The following ZZEF1 variants were observed in gnomAD, a reference collection of about 807,000 sequenced individuals.
The protein encoded by ZZEF1 is zinc finger ZZ-type and EF-hand domain-containing protein 1.
In ZZEF1, 157 loss-of-function variants were observed where a neutral mutation model predicts 342.8. The observed-to-expected ratio is 0.46, with a 90% confidence interval of 0.40 to 0.52. The LOEUF (loss-of-function observed/expected upper bound fraction) is 0.52. ZZEF1 is among the 20% of genes least tolerant of loss of function. The probability of loss-of-function intolerance (pLI) is 0.00; values close to 1 mark genes in which losing one functional copy is unlikely to be tolerated. For synonymous variants in ZZEF1, 1,505 were observed against 1,429.1 expected, an observed-to-expected ratio of 1.05 and a Z score of -1.20; for missense variants, 3,480 against 3,725.6, an observed-to-expected ratio of 0.93 and a Z score of 1.72.
rs1023869031 is a variant in ZZEF1 at position 4,137,544 on chromosome 17, G to A, written c.354+4998C>T. Among the ~76,000 whole-genome samples, 4 of 152,144 alleles carry A rather than the reference G, an allele frequency of 2.6e-5. No individual in the cohort carries two copies. The South Asian group carries it at 6.2e-4, about 24-fold the overall frequency. ...GGAGAATGGTGTGAACCTGGGAGGC[G>A]GAGCTTGCAGTGAGCCAAGATTGTG... On this transcript the variant is annotated intron_variant, in intron 1 of 54. Coordinates refer to ENST00000381638, the MANE Select transcript of ZZEF1 (RefSeq NM_015113.4).
intron 1 of ZZEF1, among the ~76,000 whole-genome samples, chr17:4,125,985 G>A (rs2058566663): frequency 6.6e-6 from 1 of 152,144 alleles, no homozygotes; most frequent in African/African-American, 2.4e-5. Flanking sequence ...CCAGCACTTT[G>A]GGAGGCCGAG....
intron 17 of ZZEF1, among the ~76,000 whole-genome samples, chr17:4,081,750 T>G (rs1206049559): frequency 6.6e-6 from 1 of 152,224 alleles, no homozygotes; most frequent in Non-Finnish European, 1.5e-5. Flanking sequence ...ATAAATCACC[T>G]TGGCCACCAA....
chr17:4,047,500 T>C (rs2056944348), intron 37 of ZZEF1, among the ~76,000 whole-genome samples: 1 of 151,990 alleles, frequency 6.6e-6, no homozygotes, highest in Non-Finnish European at 1.5e-5. Context: ...AAAAATTAGC[T>C]GGCATGGTGG....
Position 4,086,669 on chromosome 17 carries a change from A to T in ZZEF1, c.2343-14T>A, listed in dbSNP as rs1349030103. 6.8e-6 allele frequency: 11 copies of T among 1,613,038 alleles called. No individual in the cohort carries two copies. The highest frequency in any genetic ancestry group is 9.3e-6 in the Non-Finnish European group (11 of 1,179,946). ...TCTTCCCTCGGGCTACAGAAAGACAAAAAACATCAGAGAGCAAAAGGGCAA... is the reference window on the plus strand; with the variant it reads ...TCTTCCCTCGGGCTACAGAAAGACATAAAACATCAGAGAGCAAAAGGGCAA... On this transcript the variant is annotated splice_polypyrimidine_tract_variant and intron_variant, in intron 14 of 54. Coordinates refer to ENST00000381638, the MANE Select transcript of ZZEF1 (RefSeq NM_015113.4).
Position 4,066,485 on chromosome 17 carries a change from T to C in ZZEF1, c.4211A>G (p.His1404Arg), listed in dbSNP as rs774768899. Residue 1404 changes from histidine (H) to arginine (R), a missense_variant, in exon 28 of 55, where the codon CAT becomes CGT. By Grantham distance (29) the His-to-Arg change is conservative. Coordinates refer to ENST00000381638, the MANE Select transcript of ZZEF1 (RefSeq NM_015113.4). ...GTTCACCTCAGTAGCTTCTGAACTA[T>C]GTTTTTCTTCTGCTTCATTCCCCAG... ...MSLGNEAEEKHSSEATEVNPE... is the reference protein window; with the variant it reads ...MSLGNEAEEKRSSEATEVNPE... 71 of 1,614,052 alleles carry C rather than the reference T, an allele frequency of 4.4e-5. No individual in the cohort carries two copies. The South Asian group carries it at 6.8e-4, about 15-fold the overall frequency.
In ZZEF1 at chr17:4,014,124, G is replaced by C; in HGVS notation, c.8379C>G (p.Thr2793=). ...MSNTEWGYRF[T]VTAGHLGRFQ... ...ACCGCCCCAGGTGTCCGGCCGTCAC[G>C]GTGAATCTGTAGCCCCACTCGGTGT... The change falls in exon 51 of 55, where the codon ACC becomes ACG. Residue 2793 remains threonine (T), a synonymous_variant. Coordinates refer to ENST00000381638, the MANE Select transcript of ZZEF1 (RefSeq NM_015113.4). This position sits in a 1 kb window ranked among gnomAD's most constrained non-coding sequence, Gnocchi z 4.4. 1 of 1,614,182 alleles carries C rather than the reference G, an allele frequency of 6.2e-7. No individual in the cohort carries two copies. The highest frequency in any genetic ancestry group is 1.3e-5 in the African/African-American group (1 of 75,046).
intron 53 of ZZEF1, 30 bp downstream of exon 53, chr17:4,009,574 C>G: frequency 6.2e-7 from 1 of 1,611,188 alleles, no homozygotes; most frequent in East Asian, 2.2e-5. Flanking sequence ...ATGGAGGCAC[C>G]GGGCTCCCTG....
intron 30 of ZZEF1, 86 bp downstream of exon 30, chr17:4,062,667 A>C (rs2057309224): frequency 4.3e-6 from 6 of 1,381,012 alleles, no homozygotes; most frequent in Non-Finnish European, 5.8e-6. Context: ...CATAGAAATG[A>C]TGCTGCTATT....
intron 2 of ZZEF1, among the ~76,000 whole-genome samples, chr17:4,121,487 G>A (rs570314431): frequency 2.0e-5 from 3 of 152,204 alleles, no homozygotes; most frequent in East Asian, 3.9e-4. Context: ...TTAGCCGGAC[G>A]TGGTGGCAGT....
intron 4 of ZZEF1, among the ~76,000 whole-genome samples, chr17:4,113,053 G>A (rs2058339952): frequency 6.6e-6 from 1 of 152,114 alleles, no homozygotes; most frequent in Non-Finnish European, 1.5e-5. Flanking sequence ...TGTACAGAAA[G>A]AACGAACAGT....
chr17:4,130,115 T>C (rs2058640022), intron 1 of ZZEF1, among the ~76,000 whole-genome samples: 1 of 152,136 alleles, frequency 6.6e-6, no homozygotes, highest in Non-Finnish European at 1.5e-5. Flanking sequence ...AGTTTACCTC[T>C]ATAACAAAAC....
chr17:4,053,443 C>T lies in ZZEF1; in HGVS notation c.5434+614G>A, dbSNP rs117890094. 3.6e-3 allele frequency among the ~76,000 whole-genome samples: 556 copies of T among 152,346 alleles called. 1 individual carries two copies. Among genetic ancestry groups the T allele is most frequent in the Non-Finnish European group, 5.7e-3 (385 of 68,030 alleles). ...ACCAATTCTCATTCCACCTCCTTCA[C>T]GAGCCTTCCCTGCAGCAATGCTGCT... On this transcript the variant is annotated intron_variant, in intron 34 of 54. Coordinates refer to ENST00000381638, the MANE Select transcript of ZZEF1 (RefSeq NM_015113.4).
intron 15 of ZZEF1, 99 bp downstream of exon 15, chr17:4,086,387 C>T: frequency 1.8e-6 from 2 of 1,113,254 alleles, no homozygotes; most frequent in Non-Finnish European, 2.4e-6. Context: ...CAATCCCTTT[C>T]TGGCTCGCAT....
Position 4,050,903 on chromosome 17 carries a change from G to A in ZZEF1, c.5741C>T (p.Ala1914Val), listed in dbSNP as rs2057030624. The change falls in exon 36 of 55, where the codon GCC becomes GTC. Residue 1914 changes from alanine to valine, a missense_variant. Transcript: ENST00000381638. ...CTCCCCATCCACATCCTCTGCACTG[G>A]CCAGGTGGGCGCTATAGAGAGCCAG... is the stretch of plus-strand genomic sequence containing the variant. ...AALALYSAHL[A>V]SAEDVDGEKL... 6.2e-7 allele frequency: 1 copy of A among 1,614,218 alleles called. No homozygotes were observed. Among genetic ancestry groups the A allele is most frequent in the Non-Finnish European group, 8.5e-7 (1 of 1,180,042 alleles).
chr17:4,023,248 A>G (rs2056316556), intron 43 of ZZEF1, among the ~76,000 whole-genome samples: 1 of 152,236 alleles, frequency 6.6e-6, no homozygotes, highest in Middle Eastern at 3.4e-3. Flanking sequence ...AAATTTTACT[A>G]GAGAAAAAGG....
At chr17:4,091,002 T>C (rs1164195090) in intron 11 of ZZEF1, among the ~76,000 whole-genome samples, 172 bp from the exon 12 acceptor site, 2 of 152,238 alleles carry the variant, frequency 1.3e-5, no homozygotes, top group Admixed American at 6.5e-5. Flanking sequence ...GTTGGTAGTA[T>C]TGCCTTTCCA....
Position 4,123,984 on chromosome 17 carries a change from T to C in ZZEF1, c.422A>G (p.Lys141Arg), listed in dbSNP as rs939186242. 9 of 1,613,944 alleles carry C rather than the reference T, an allele frequency of 5.6e-6. No homozygotes were observed. Among genetic ancestry groups the C allele is most frequent in the Admixed American group, 1.7e-5 (1 of 59,966 alleles). ...CTGAAGATTAGCTCCACTGGAATTC[T>C]TGAGGGCCTCCAACATGTTCTCGGC... ...VDAENMLEAL[K>R]NSSGANLQGE... is the part of the protein sequence containing the mutation. Residue 141 changes from lysine (K) to arginine (R), a missense_variant, in exon 2 of 55, where the codon AAG (lysine) becomes AGG (arginine). Coordinates refer to ENST00000381638, the MANE Select transcript of ZZEF1 (RefSeq NM_015113.4).
intron 44 of ZZEF1, among the ~76,000 whole-genome samples, chr17:4,022,017 AG>A (rs1323483242): frequency 6.6e-6 from 1 of 152,208 alleles, no homozygotes; most frequent in Non-Finnish European, 1.5e-5. Context: ...TAAGAATAAA[AG>A]TTCAAATACT....
chr17:4,037,515 A>C (rs997629844), intron 39 of ZZEF1, among the ~76,000 whole-genome samples: 1 of 152,222 alleles, frequency 6.6e-6, no homozygotes, highest in African/African-American at 2.4e-5. Flanking sequence ...GTAAAGACTG[A>C]TAACTGTTAA....
Sources: gnomAD v4.1 joint callset for allele counts (sites outside exome capture counted in the v4.1 genomes callset) on GRCh38, gnomAD v4.1.1 for gene constraint, Gnocchi (gnomAD v3.1) non-coding constraint, MANE v1.5 for transcripts, NCBI Gene and HGNC (gene_info 2026-07-23, HGNC 2026-07-21) for gene names.